Variants in KDSR observed in about 807,000 individuals in gnomAD.
The protein encoded by KDSR is 3-ketodihydrosphingosine reductase.
Under a neutral mutation model 41.3 loss-of-function variants are expected in KDSR, and 23 were observed. The ratio of observed to expected loss-of-function variants is 0.56; its 90% CI spans 0.40 to 0.79. KDSR has a LOEUF of 0.79. KDSR is among the 30% of genes least tolerant of loss of function. KDSR has a pLI of 0.00. For synonymous variants in KDSR, 138 were observed against 151.7 expected, an observed-to-expected ratio of 0.91 and a Z score of 0.66; for missense variants, 351 against 416.8, an observed-to-expected ratio of 0.84 and a Z score of 1.37.
intron 9 of KDSR, among the ~76,000 whole-genome samples, chr18:63,334,801 C>T (rs138295017): frequency 5.3e-5 from 8 of 152,284 alleles, no homozygotes; most frequent in Non-Finnish European, 8.8e-5. Flanking sequence ...ATTCTATAAG[C>T]GAAGCAACTG....
At chr18:63,351,654 A>G (rs1914664791) in intron 5 of KDSR, among the ~76,000 whole-genome samples, 1 of 152,210 alleles carries the variant, frequency 6.6e-6, no homozygotes, top group Non-Finnish European at 1.5e-5. Flanking sequence ...GAGAAAACAC[A>G]AGCGCTAGCA....
intron 3 of KDSR, 111 bp from the exon 4 acceptor site, chr18:63,355,674 AAT>A: frequency 7.3e-7 from 1 of 1,364,800 alleles, no homozygotes; most frequent in African/African-American, 1.5e-5. Flanking sequence ...GCCAATATTG[AAT>A]GAACAGATTT....
At chr18:63,352,199 A>G (rs1016678790) in intron 5 of KDSR, among the ~76,000 whole-genome samples, 8 of 152,248 alleles carry the variant, frequency 5.3e-5, no homozygotes, top group Admixed American at 4.6e-4. Context: ...TAAAAACTAA[A>G]TACCTCAATT....
Position 63,328,375 on chromosome 18 carries a change from CAG to C in KDSR, c.*3405_*3406del, listed in dbSNP as rs1476829268. On this transcript the variant is annotated 3_prime_UTR_variant, in exon 10 of 10. Transcript: ENST00000645214. ...TTTTTCTTTTTTTTTTTTTTTGAGA[CAG>C]AGTCTCGCACTGTCACCTAGGCTGG... The C allele has an allele frequency of 6.7e-6, 1 of 148,364 alleles. No individual in the cohort carries two copies. Among genetic ancestry groups the C allele is most frequent in the Admixed American group, 7.4e-5 (1 of 13,524 alleles). The allele number at this position is 148,364 out of a possible 1,614,324, so 9.2% of individuals were successfully genotyped here. A position where few individuals can be genotyped will look rare whatever the true frequency, so the allele number is the denominator to read the frequency against.
chr18:63,361,017 A>AAAATAT (rs1914955576), intron 2 of KDSR, among the ~76,000 whole-genome samples: 1 of 106,900 alleles, frequency 9.4e-6, no homozygotes, highest in Non-Finnish European at 1.7e-5. Context: ...TATATATATA[A>AAAATAT]AATATATAAT....
chr18:63,355,382 T>G, intron 4 of KDSR, 83 bp from the exon 5 acceptor site: 2 of 1,604,416 alleles, frequency 1.2e-6, no homozygotes, highest in Non-Finnish European at 1.7e-6. Context: ...AAATAAAATT[T>G]ACAAAACTAT....
At chr18:63,338,000 G>A (rs1381778535) in intron 8 of KDSR, among the ~76,000 whole-genome samples, 1 of 152,200 alleles carries the variant, frequency 6.6e-6, no homozygotes, top group East Asian at 1.9e-4. Flanking sequence ...CCCGAGATAA[G>A]CAGGAAAAAT....
At chr18:63,355,171 G>A (rs2144370965) in intron 5 of KDSR, 33 bp downstream of exon 5, 1 of 1,370,802 alleles carries the variant, frequency 7.3e-7, no homozygotes, top group Non-Finnish European at 1.0e-6. Flanking sequence ...TTTAGCATAT[G>A]TGCTACTGCA....
In KDSR at chr18:63,359,533, G is replaced by A. The variant is rs989972252; in HGVS notation, c.255+203C>T. 16 of 432,280 alleles carry A rather than the reference G, an allele frequency of 3.7e-5. 1 individual carries two copies. Among genetic ancestry groups the A allele is most frequent in the Middle Eastern group, 6.0e-4 (1 of 1,678 alleles). The allele number at this position is 432,280 out of a possible 1,614,324, so 26.8% of individuals were successfully genotyped here. ...AAAACATTCTGTTATTTGACCATTT[G>A]TAGATATGAATGTGTGTGGGAGTCT... On this transcript the variant is annotated intron_variant, in intron 3 of 9. Transcript: ENST00000645214.
chr18:63,353,698 A>T (rs1482616692), intron 5 of KDSR, among the ~76,000 whole-genome samples: 1 of 152,258 alleles, frequency 6.6e-6, no homozygotes, highest in East Asian at 1.9e-4. Context: ...GATGAGCCTC[A>T]AAAACTGATG....
Position 63,338,864 on chromosome 18 carries a change from A to G in KDSR, c.713T>C (p.Ile238Thr), listed in dbSNP as rs1383264734. ...TTTGCACACAGATGTGGTCTCTGAA[A>G]TAAGTCGAGTCTCCAAAGGCTAAAA... ...NRTKPLETRLISETTSVCKPE... is the reference protein window; with the variant it reads ...NRTKPLETRLTSETTSVCKPE... The change falls in exon 8 of 10, where the codon ATT (isoleucine) becomes ACT (threonine). Residue 238 changes from isoleucine (I) to threonine (T), a missense_variant. Physicochemically the swap from Ile to Thr is moderately conservative, Grantham distance 89. Transcript: ENST00000645214. 2.5e-6 allele frequency: 4 copies of G among 1,607,060 alleles called. No homozygotes were observed. Among genetic ancestry groups the G allele is most frequent in the Non-Finnish European group, 3.4e-6 (4 of 1,177,892 alleles).
Position 63,348,881 on chromosome 18 carries a change from C to T in KDSR, c.609+2007G>A, listed in dbSNP as rs1040306175. Reference sequence around the variant, plus strand: ...GGATTCTAAAACCAAAGTAAAGGGCCGGGGCAACTAGCCAGGTGAAGCAAC... The same window carrying T: ...GGATTCTAAAACCAAAGTAAAGGGCTGGGGCAACTAGCCAGGTGAAGCAAC... On this transcript the variant is annotated intron_variant, in intron 6 of 9. Transcript: ENST00000645214. Among the ~76,000 whole-genome samples, 4 of 152,124 alleles carry T rather than the reference C, an allele frequency of 2.6e-5. No homozygotes were observed. In the South Asian group the frequency reaches 6.2e-4, roughly 24 times the overall value.
At chr18:63,335,030 A>G (rs1914115517) in intron 9 of KDSR, among the ~76,000 whole-genome samples, 1 of 152,262 alleles carries the variant, frequency 6.6e-6, no homozygotes, top group Non-Finnish European at 1.5e-5. Context: ...TCTATCTGCA[A>G]GGCCCGGCAC....
intron 3 of KDSR, among the ~76,000 whole-genome samples, chr18:63,358,309 A>T (rs141631077): frequency 3.3e-4 from 50 of 152,314 alleles, no homozygotes; most frequent in African/African-American, 1.2e-3. Flanking sequence ...AGAGGCTGGG[A>T]GGAAATGGCA....
chr18:63,364,450 CT>C (rs796857450), intron 1 of KDSR, among the ~76,000 whole-genome samples: 214 of 144,278 alleles, frequency 1.5e-3, no homozygotes, highest in Non-Finnish European at 1.4e-3. Context: ...CATTATTTTT[CT>C]TTTTTTTTTT....
Position 63,330,926 on chromosome 18 carries a change from T to C in KDSR, c.*856A>G, listed in dbSNP as rs1035081125. The stretch of plus-strand genomic sequence containing the variant: ...GGTGAACTTCAGGTCATCATGGTTA[T>C]TGAAGGAACTGTAAATTCTTAAGCT... On this transcript the variant is annotated 3_prime_UTR_variant, in exon 10 of 10. Transcript: ENST00000645214. 2 of 230,282 alleles carry C rather than the reference T, an allele frequency of 8.7e-6. No homozygotes were observed. Among genetic ancestry groups the C allele is most frequent in the African/African-American group, 2.2e-5 (1 of 45,158 alleles). 14.3% of individuals were successfully genotyped at this position (230,282 alleles called of 1,614,324 possible).
At position 63,355,310 on chromosome 18, in the gene KDSR, G is replaced by T; in HGVS notation, c.322-11C>A. On this transcript the variant is annotated splice_polypyrimidine_tract_variant and intron_variant, in intron 4 of 9. Transcript: ENST00000645214. ...CAGTTTCTCCTGTGCCTAGAAAAAT[G>T]TAGCAGAGCAGGCATTAAGAAACAG... 1 of 1,612,414 alleles carries T rather than the reference G, an allele frequency of 6.2e-7. No individual in the cohort carries two copies. Among genetic ancestry groups the T allele is most frequent in the Non-Finnish European group, 8.5e-7 (1 of 1,178,770 alleles).
intron 3 of KDSR, among the ~76,000 whole-genome samples, chr18:63,356,691 G>A (rs1914804472): frequency 6.6e-6 from 1 of 152,206 alleles, no homozygotes. Flanking sequence ...AAGGTGTCAT[G>A]ATGAGGAAGC....
intron 3 of KDSR, among the ~76,000 whole-genome samples, chr18:63,357,586 A>ATTTT (rs1295303190): frequency 1.2e-4 from 8 of 64,668 alleles, no homozygotes; most frequent in South Asian, 1.5e-3. Context: ...ATATATATAT[A>ATTTT]TATATATATT....
Sources: gnomAD v4.1 joint callset for allele counts (sites outside exome capture counted in the v4.1 genomes callset) on GRCh38, gnomAD v4.1.1 for gene constraint, MANE v1.5 for transcripts, NCBI Gene and HGNC (gene_info 2026-07-23, HGNC 2026-07-21) for gene names.